The following GNA14 variants were observed in gnomAD, a reference collection of about 807,000 sequenced individuals.
GNA14 encodes the protein G protein subunit alpha 14, also known as guanine nucleotide-binding protein subunit alpha-14.
In GNA14, 50 loss-of-function variants were observed where a neutral mutation model predicts 42.0. The ratio of observed to expected loss-of-function variants is 1.19; its 90% CI spans 0.95 to 1.51. The LOEUF (loss-of-function observed/expected upper bound fraction) is 1.51, where lower values mean the gene tolerates loss of function less well. GNA14 is among the 40% of genes most tolerant of loss of function. The pLI is 0.00. For synonymous variants in GNA14, 173 were observed against 163.1 expected (o/e 1.06, Z -0.46); for missense variants, 473 against 446.2 (o/e 1.06, Z -0.54).
chr9:77,490,346 C>T (rs1417900518), intron 2 of GNA14, among the ~76,000 whole-genome samples: 1 of 152,246 alleles, frequency 6.6e-6, no homozygotes, highest in Non-Finnish European at 1.5e-5. Context: ...ACTGGGGTTG[C>T]AGGTGGAGCT....
At chr9:77,497,683 A>C (rs551725323) in intron 2 of GNA14, among the ~76,000 whole-genome samples, 3 of 152,346 alleles carry the variant, frequency 2.0e-5, no homozygotes, top group South Asian at 4.1e-4. Flanking sequence ...TAAGCTGACC[A>C]AACATAAATA....
In GNA14 at chr9:77,449,270, C is replaced by T. The variant is rs577297648; in HGVS notation, c.310-14748G>A. Among the ~76,000 whole-genome samples, 93 of 152,316 alleles carry T rather than the reference C, an allele frequency of 6.1e-4. 1 individual carries two copies. In the South Asian group the frequency reaches 0.019, roughly 31 times the overall value. ...GTGTAAGTGCACTCCATGATGTTCA[C>T]ACAATGATGAAATCACCTAACTTTA... On this transcript the variant is annotated intron_variant, in intron 2 of 6. Coordinates refer to ENST00000341700, the MANE Select transcript of GNA14 (RefSeq NM_004297.4).
chr9:77,538,423 T>C (rs117818866), intron 1 of GNA14, among the ~76,000 whole-genome samples: 7,286 of 152,174 alleles, frequency 0.048, 199 homozygotes, highest in African/African-American at 0.064. Context: ...GGCTCTTTTT[T>C]GCTTCCACAT....
At chr9:77,457,764 T>C (rs1836028874) in intron 2 of GNA14, among the ~76,000 whole-genome samples, 1 of 152,252 alleles carries the variant, frequency 6.6e-6, no homozygotes, top group African/African-American at 2.4e-5. Flanking sequence ...GCTCCAATGA[T>C]AATTCAAGTC....
chr9:77,476,191 C>A (rs1836418764), intron 2 of GNA14, among the ~76,000 whole-genome samples: 1 of 152,110 alleles, frequency 6.6e-6, no homozygotes, highest in South Asian at 2.1e-4. Context: ...AAGTAGCACC[C>A]AACTTCCTGG....
At chr9:77,513,576 C>T (rs1837203350) in intron 2 of GNA14, among the ~76,000 whole-genome samples, 1 of 152,228 alleles carries the variant, frequency 6.6e-6, no homozygotes, top group South Asian at 2.1e-4. Flanking sequence ...TGTGATGGGT[C>T]TATGACACAG....
chr9:77,442,390 A>C (rs1178946205), intron 2 of GNA14, among the ~76,000 whole-genome samples: 1 of 152,222 alleles, frequency 6.6e-6, no homozygotes, highest in African/African-American at 2.4e-5. Context: ...AAAGAAAGCT[A>C]ATGCAATGAT....
intron 1 of GNA14, among the ~76,000 whole-genome samples, chr9:77,625,317 A>G (rs1823996389): frequency 6.6e-6 from 1 of 152,188 alleles, no homozygotes; most frequent in African/African-American, 2.4e-5. Flanking sequence ...AAATTGGAAA[A>G]CAGTCTTCAG....
At chr9:77,564,649 A>G (rs902837328) in intron 1 of GNA14, among the ~76,000 whole-genome samples, 5 of 152,006 alleles carry the variant, frequency 3.3e-5, no homozygotes, top group Non-Finnish European at 4.4e-5. Context: ...CCTGGCCAAT[A>G]TGACAAAACC....
chr9:77,452,582 G>T (rs375586624), intron 2 of GNA14, among the ~76,000 whole-genome samples: 3 of 2,310 alleles, frequency 1.3e-3, no homozygotes, highest in Non-Finnish European at 3.0e-3. Context: ...ATGTGCATGT[G>T]TATGTGTGTG....
chr9:77,545,565 C>A (rs1032861109), intron 1 of GNA14, among the ~76,000 whole-genome samples: 1 of 152,144 alleles, frequency 6.6e-6, no homozygotes, highest in African/African-American at 2.4e-5. Context: ...GGAAACATAA[C>A]ATCAACTACT....
intron 1 of GNA14, among the ~76,000 whole-genome samples, chr9:77,624,531 C>T (rs1823984009): frequency 6.6e-6 from 1 of 152,154 alleles, no homozygotes; most frequent in South Asian, 2.1e-4. Flanking sequence ...CTCCAGCTGG[C>T]ATCTAGCAGA....
intron 1 of GNA14, among the ~76,000 whole-genome samples, chr9:77,587,586 C>T (rs576424332): frequency 1.3e-5 from 2 of 151,922 alleles, no homozygotes; most frequent in African/African-American, 4.8e-5. Context: ...ATGAAATATC[C>T]GTAGTATGAA....
At chr9:77,637,175 G>A (rs1385799703) in intron 1 of GNA14, among the ~76,000 whole-genome samples, 1 of 152,178 alleles carries the variant, frequency 6.6e-6, no homozygotes, top group African/African-American at 2.4e-5. Context: ...TCCATTAAGA[G>A]GTACTGGGTC....
At chr9:77,468,290 T>C (rs951685401) in intron 2 of GNA14, among the ~76,000 whole-genome samples, 7 of 152,220 alleles carry the variant, frequency 4.6e-5, no homozygotes, top group African/African-American at 1.7e-4. Context: ...TGTATGCTTT[T>C]AGGACAATTT....
chr9:77,472,860 G>T (rs1025937618), intron 2 of GNA14, among the ~76,000 whole-genome samples: 1 of 151,488 alleles, frequency 6.6e-6, no homozygotes, highest in African/African-American at 2.4e-5. Flanking sequence ...TGAACCATCT[G>T]CAAGCCAGGA....
At chr9:77,515,343 G>A (rs1434069914) in intron 2 of GNA14, among the ~76,000 whole-genome samples, 2 of 152,178 alleles carry the variant, frequency 1.3e-5, no homozygotes, top group Non-Finnish European at 2.9e-5. Flanking sequence ...GGAGCATGTG[G>A]AAAAGTCCTG....
At chr9:77,605,612 T>C (rs924180975) in intron 1 of GNA14, among the ~76,000 whole-genome samples, 1 of 152,188 alleles carries the variant, frequency 6.6e-6, no homozygotes, top group African/African-American at 2.4e-5. Flanking sequence ...AATCCTGTCA[T>C]CTGTGACAAC....
At chr9:77,567,396 T>C (rs1420156497) in intron 1 of GNA14, among the ~76,000 whole-genome samples, 3 of 152,204 alleles carry the variant, frequency 2.0e-5, no homozygotes, top group African/African-American at 7.2e-5. Context: ...GAACTTCCAA[T>C]AAAGAACTAA....
Sources: gnomAD v4.1 joint callset for allele counts (sites outside exome capture counted in the v4.1 genomes callset) on GRCh38, gnomAD v4.1.1 for gene constraint, MANE v1.5 for transcripts, NCBI Gene and HGNC (gene_info 2026-07-23, HGNC 2026-07-21) for gene names.